Variants in CNTN5 observed in about 807,000 individuals in gnomAD.
The protein encoded by CNTN5 is contactin-5.
CNTN5 carries 77 observed loss-of-function variants against 129.1 expected under a neutral mutation model. The observed-to-expected ratio is 0.60, with a 90% CI of 0.50 to 0.72. The LOEUF (loss-of-function observed/expected upper bound fraction) is 0.72. CNTN5 is among the 30% of genes least tolerant of loss of function. The probability of loss-of-function intolerance (pLI) is 0.00; values close to 1 mark genes in which losing one functional copy is unlikely to be tolerated. For synonymous variants in CNTN5, 509 were observed against 465.6 expected (o/e 1.09, Z -1.20); for missense variants, 1,478 against 1,328.8 (o/e 1.11, Z -1.75).
At chr11:99,412,583 A>G (rs977232127) in intron 2 of CNTN5, among the ~76,000 whole-genome samples, 3 of 152,182 alleles carry the variant, frequency 2.0e-5, no homozygotes, top group African/African-American at 7.2e-5. Context: ...AATTGTTGAT[A>G]TTTATTACAC....
At chr11:99,434,571 G>A (rs1459383054) in intron 2 of CNTN5, among the ~76,000 whole-genome samples, 2 of 152,118 alleles carry the variant, frequency 1.3e-5, no homozygotes, top group East Asian at 3.8e-4. Context: ...TTTGAAGTCT[G>A]TGTTAAGCAA....
chr11:99,426,460 T>C (rs1279606762), intron 2 of CNTN5, among the ~76,000 whole-genome samples: 1 of 152,180 alleles, frequency 6.6e-6, no homozygotes, highest in Non-Finnish European at 1.5e-5. Context: ...TCTCAATTCT[T>C]ATAAACAAAT....
chr11:99,873,331 A>G (rs1948551454), intron 6 of CNTN5, among the ~76,000 whole-genome samples: 1 of 152,130 alleles, frequency 6.6e-6, no homozygotes, highest in Non-Finnish European at 1.5e-5. Flanking sequence ...CTCAGGATAA[A>G]TAATTAGTAT....
Position 99,851,043 on chromosome 11 carries a change from CAACT to C in CNTN5, c.577+5785_577+5788del, listed in dbSNP as rs1947857122. On this transcript the variant is annotated intron_variant, in intron 6 of 24. Coordinates refer to ENST00000524871, the MANE Select transcript of CNTN5 (RefSeq NM_014361.4). ...TTTTTTTTTCTAATTTTGATTTGGACAACTAACAGATTTAGCAGCTGCTCTGTAG... is the reference window on the plus strand; with the variant it reads ...TTTTTTTTTCTAATTTTGATTTGGACAACAGATTTAGCAGCTGCTCTGTAG... 2.5e-3 allele frequency among the ~76,000 whole-genome samples: 5 copies of C among 1,970 alleles called. No homozygotes were observed. In the East Asian group the frequency reaches 0.083, roughly 33 times the overall value. The allele number at this position is 1,970 out of a possible 152,430, so 1.3% of individuals were successfully genotyped here.
intron 3 of CNTN5, among the ~76,000 whole-genome samples, chr11:99,700,526 A>G (rs979715325): frequency 2.6e-5 from 4 of 151,356 alleles, no homozygotes; most frequent in South Asian, 4.1e-4. Flanking sequence ...ACCTAGCTCT[A>G]AAAGGTGGTT....
chr11:100,063,223 T>A (rs1943553197), intron 10 of CNTN5, among the ~76,000 whole-genome samples: 1 of 150,170 alleles, frequency 6.7e-6, no homozygotes, highest in Non-Finnish European at 1.5e-5. Flanking sequence ...TGATGACTGT[T>A]TCCAGAAATG....
intron 1 of CNTN5, among the ~76,000 whole-genome samples, chr11:99,133,637 A>ATGCAG (rs1333682410): frequency 2.1e-5 from 1 of 47,272 alleles, no homozygotes; most frequent in Non-Finnish European, 4.9e-5. Context: ...AAGACCATAC[A>ATGCAG]TGCAGCTAAC....
chr11:99,078,570 T>A (rs937775415), intron 1 of CNTN5, among the ~76,000 whole-genome samples: 14 of 152,330 alleles, frequency 9.2e-5, no homozygotes, highest in African/African-American at 3.1e-4. Context: ...GATGTGGTAA[T>A]GTGGTGTATA....
In CNTN5 at chr11:99,683,444, A is replaced by G. The variant is rs896011175; in HGVS notation, c.55+127175A>G. 7.2e-5 allele frequency among the ~76,000 whole-genome samples: 11 copies of G among 152,044 alleles called. 1 individual carries two copies. Among genetic ancestry groups the G allele is most frequent in the Non-Finnish European group, 8.8e-5 (6 of 67,858 alleles). On this transcript the variant is annotated intron_variant, in intron 3 of 24. Coordinates refer to ENST00000524871, the MANE Select transcript of CNTN5 (RefSeq NM_014361.4). ...CTTCTTTGTCACATTTTAAGTGCAC[A>G]TATATGCAAAAATAAATTTATAGAT...
rs141869461 is a variant in CNTN5 at position 99,712,741 on chromosome 11, T to C, written c.56-106803T>C. On this transcript the variant is annotated intron_variant, in intron 3 of 24. Transcript: ENST00000524871. ...TACTATTTATTAAATAGAGAATCCT[T>C]TCCCTATTGCTTGTTTTTGTCACGT... Among the ~76,000 whole-genome samples, 751 of 152,234 alleles carry C rather than the reference T, an allele frequency of 4.9e-3. 5 individuals are homozygous for C. The highest frequency in any genetic ancestry group is 0.016 in the African/African-American group (678 of 41,554).
chr11:99,650,708 A>G (rs2135878660), intron 3 of CNTN5, among the ~76,000 whole-genome samples: 1 of 152,082 alleles, frequency 6.6e-6, no homozygotes, highest in South Asian at 2.1e-4. Context: ...TCCTTCTACT[A>G]CAAATGAAAT....
intron 3 of CNTN5, among the ~76,000 whole-genome samples, chr11:99,744,525 C>T (rs1943984764): frequency 8.5e-6 from 1 of 117,566 alleles, no homozygotes; most frequent in African/African-American, 3.4e-5. Context: ...ATAGCAAAAC[C>T]CCGTCTCTAC....
At chr11:99,061,361 T>G (rs754340450) in intron 1 of CNTN5, among the ~76,000 whole-genome samples, 1 of 152,008 alleles carries the variant, frequency 6.6e-6, no homozygotes, top group African/African-American at 2.4e-5. Context: ...GATGGCAGTA[T>G]GTGGAAAGCT....
chr11:99,937,806 C>A (rs2136100718), intron 7 of CNTN5, among the ~76,000 whole-genome samples: 1 of 152,252 alleles, frequency 6.6e-6, no homozygotes, highest in Admixed American at 6.5e-5. Flanking sequence ...ACCGAGAGTC[C>A]TAAATGTTAC....
At chr11:99,480,827 A>T (rs568064243) in intron 2 of CNTN5, among the ~76,000 whole-genome samples, 2 of 152,266 alleles carry the variant, frequency 1.3e-5, no homozygotes, top group South Asian at 4.1e-4. Flanking sequence ...ACTAATGATC[A>T]ACAGTCCTCA....
At chr11:99,473,749 C>T (rs1945265688) in intron 2 of CNTN5, among the ~76,000 whole-genome samples, 1 of 151,822 alleles carries the variant, frequency 6.6e-6, no homozygotes, top group Non-Finnish European at 1.5e-5. Context: ...CAGATAGTTT[C>T]TTAGTTAGTC....
intron 13 of CNTN5, among the ~76,000 whole-genome samples, chr11:100,169,418 T>C (rs770732099): frequency 6.1e-4 from 93 of 151,902 alleles, no homozygotes; most frequent in Non-Finnish European, 1.1e-3. Context: ...ATAATCTGAG[T>C]ATTTGCCACT....
chr11:99,888,617 G>A (rs887986934), intron 6 of CNTN5, among the ~76,000 whole-genome samples: 5 of 152,170 alleles, frequency 3.3e-5, no homozygotes, highest in Non-Finnish European at 7.3e-5. Context: ...AAAGCCTGAA[G>A]CTGAATCACA....
chr11:99,510,932 C>T (rs1946811232), intron 2 of CNTN5, among the ~76,000 whole-genome samples: 1 of 152,062 alleles, frequency 6.6e-6, no homozygotes, highest in South Asian at 2.1e-4. Flanking sequence ...ATGACAGCTT[C>T]GTGCATCTTA....
Sources: allele counts gnomAD v4.1 joint callset (sites outside exome capture counted in the v4.1 genomes callset), GRCh38; gene constraint gnomAD v4.1.1; transcripts MANE v1.5; gene names NCBI Gene and HGNC (gene_info 2026-07-23, HGNC 2026-07-21).